PPFIBP1: variants seen among roughly 807,000 people sequenced by gnomAD.
PPFIBP1 encodes liprin-beta-1.
In PPFIBP1, 112 loss-of-function variants were observed where a neutral mutation model predicts 137.8. The ratio of observed to expected loss-of-function variants is 0.81; its 90% CI spans 0.70 to 0.95. The LOEUF (loss-of-function observed/expected upper bound fraction) is 0.95, where lower values mean the gene tolerates loss of function less well. PPFIBP1 is among the 40% of genes least tolerant of loss of function. The pLI is 0.00. For synonymous variants in PPFIBP1, 378 were observed against 417.3 expected, an observed-to-expected ratio of 0.91 and a Z score of 1.15; for missense variants, 1,083 against 1,196.6, an observed-to-expected ratio of 0.91 and a Z score of 1.40.
intron 1 of PPFIBP1, among the ~76,000 whole-genome samples, chr12:27,537,006 T>G (rs1318229430): frequency 6.6e-6 from 1 of 152,192 alleles, no homozygotes; most frequent in Non-Finnish European, 1.5e-5. Context: ...AAGGTCATTT[T>G]TGCCTTTCAA....
Position 27,689,000 on chromosome 12 carries a change from T to A in PPFIBP1, c.2497-15T>A, listed in dbSNP as rs1431402678. The stretch of plus-strand genomic sequence containing the variant: ...TGGTGACTTTTGACAAGCTTTTTTT[T>A]TTTTCTTTAAACAGGTTCTAGAGCC... On this transcript the variant is annotated splice_polypyrimidine_tract_variant and intron_variant, in intron 26 of 29. Coordinates refer to ENST00000228425, the MANE Select transcript of PPFIBP1 (RefSeq NM_003622.4). 1 of 1,591,136 alleles carries A rather than the reference T, an allele frequency of 6.3e-7. No homozygotes were observed. The highest frequency in any genetic ancestry group is 1.9e-5 in the Admixed American group (1 of 53,106).
intron 1 of PPFIBP1, among the ~76,000 whole-genome samples, chr12:27,574,717 A>C (rs916141007): frequency 6.6e-6 from 1 of 152,232 alleles, no homozygotes; most frequent in Non-Finnish European, 1.5e-5. Flanking sequence ...CGTAGCATAA[A>C]GATTAAGAAA....
At chr12:27,616,261 A>G (rs1417322253) in intron 2 of PPFIBP1, among the ~76,000 whole-genome samples, 1 of 150,124 alleles carries the variant, frequency 6.7e-6, no homozygotes, top group Non-Finnish European at 1.5e-5. Flanking sequence ...ACTCAGTTTT[A>G]TCAGTATATT....
At chr12:27,665,243 G>C (rs1290432901) in intron 12 of PPFIBP1, among the ~76,000 whole-genome samples, 1 of 152,106 alleles carries the variant, frequency 6.6e-6, no homozygotes, top group Non-Finnish European at 1.5e-5. Flanking sequence ...AGGGAAGTGA[G>C]CAGTATTGAG....
chr12:27,557,359 C>T (rs112311274), intron 1 of PPFIBP1, among the ~76,000 whole-genome samples: 25,594 of 151,774 alleles, frequency 0.17, 2,660 homozygotes, highest in Middle Eastern at 0.27. Context: ...TCTCAGCCTC[C>T]CGAGTAGCTG....
intron 2 of PPFIBP1, among the ~76,000 whole-genome samples, chr12:27,620,856 T>TATCA (rs2056279520): frequency 6.6e-6 from 1 of 152,224 alleles, no homozygotes; most frequent in Admixed American, 6.5e-5. Context: ...CCATAACACT[T>TATCA]ATCAATCACC....
intron 2 of PPFIBP1, among the ~76,000 whole-genome samples, chr12:27,607,477 T>A (rs2054635731): frequency 6.6e-6 from 1 of 152,216 alleles, no homozygotes; most frequent in Admixed American, 6.5e-5. Context: ...ATTTGATCAT[T>A]GTCAGAGGGT....
intron 1 of PPFIBP1, among the ~76,000 whole-genome samples, chr12:27,551,471 G>A (rs1447055368): frequency 6.6e-6 from 1 of 152,138 alleles, no homozygotes; most frequent in Non-Finnish European, 1.5e-5. Flanking sequence ...CAACAGAGGA[G>A]GTTTAAAAGG....
intron 6 of PPFIBP1, among the ~76,000 whole-genome samples, chr12:27,649,076 C>A (rs1038025093): frequency 6.6e-6 from 1 of 152,132 alleles, no homozygotes; most frequent in African/African-American, 2.4e-5. Context: ...TTACACATTG[C>A]ATGCCTGTAT....
At chr12:27,599,362 A>T (rs751553570) in intron 2 of PPFIBP1, 10 of 431,580 alleles carry the variant, frequency 2.3e-5, no homozygotes, top group Non-Finnish European at 3.7e-5. Context: ...TGGCACTTAC[A>T]CTATCAGCCC....
chr12:27,597,094 C>A (rs1347806216), intron 2 of PPFIBP1, among the ~76,000 whole-genome samples: 1 of 152,224 alleles, frequency 6.6e-6, no homozygotes, highest in African/African-American at 2.4e-5. Flanking sequence ...GCAAGGGGTA[C>A]ATATGGTATA....
chr12:27,634,343 C>T (rs751989733), intron 3 of PPFIBP1, among the ~76,000 whole-genome samples: 1 of 152,178 alleles, frequency 6.6e-6, no homozygotes, highest in African/African-American at 2.4e-5. Context: ...CATGTGTTTA[C>T]CTTCCCAATT....
At chr12:27,596,427 C>G (rs1592727499) in intron 2 of PPFIBP1, among the ~76,000 whole-genome samples, 1 of 152,332 alleles carries the variant, frequency 6.6e-6, no homozygotes, top group South Asian at 2.1e-4. Flanking sequence ...AGACTGCCCA[C>G]AACTTCCCTG....
intron 2 of PPFIBP1, among the ~76,000 whole-genome samples, chr12:27,622,732 G>A (rs1295824352): frequency 3.9e-5 from 6 of 152,160 alleles, no homozygotes; most frequent in Non-Finnish European, 7.3e-5. Context: ...AATACCTGGC[G>A]CATAGGAGGC....
intron 1 of PPFIBP1, among the ~76,000 whole-genome samples, chr12:27,525,705 GAGAA>G (rs1237721085): frequency 6.6e-6 from 1 of 152,034 alleles, no homozygotes; most frequent in African/African-American, 2.4e-5. Flanking sequence ...CCAGGAGATG[GAGAA>G]AGAAAGAAGC....
intron 2 of PPFIBP1, among the ~76,000 whole-genome samples, chr12:27,628,229 A>G (rs2881467): frequency 0.32 from 48,403 of 151,804 alleles, 8,277 homozygotes; most frequent in Middle Eastern, 0.39. Context: ...CACCCAGGCT[A>G]GAGTGCAGTG....
chr12:27,559,856 A>C (rs75275930), intron 1 of PPFIBP1, among the ~76,000 whole-genome samples: 2,486 of 152,332 alleles, frequency 0.016, 64 homozygotes, highest in African/African-American at 0.057. Flanking sequence ...AAATAAATGT[A>C]ATTGGGGTAA....
At chr12:27,660,220 A>G (rs370449444) in intron 10 of PPFIBP1, among the ~76,000 whole-genome samples, 3 of 152,270 alleles carry the variant, frequency 2.0e-5, no homozygotes, top group East Asian at 1.9e-4. Flanking sequence ...TTTAAAATAT[A>G]TAAGTTTTTT....
chr12:27,632,233 G>A (rs16931637), intron 2 of PPFIBP1, among the ~76,000 whole-genome samples: 7,126 of 152,216 alleles, frequency 0.047, 542 homozygotes, highest in Admixed American at 0.19. Flanking sequence ...CTCATCCAAG[G>A]AGTTGATACC....
Sources: gnomAD v4.1 joint callset for allele counts (sites outside exome capture counted in the v4.1 genomes callset) on GRCh38, gnomAD v4.1.1 for gene constraint, MANE v1.5 for transcripts, NCBI Gene and HGNC (gene_info 2026-07-23, HGNC 2026-07-21) for gene names.